Variants in BICD1 observed in about 807,000 individuals in gnomAD.
The protein encoded by BICD1 is BICD cargo adaptor 1.
BICD1 carries 35 observed loss-of-function variants against 92.5 expected under a neutral mutation model. The observed-to-expected ratio is 0.38, with a 90% CI of 0.29 to 0.50. The LOEUF (loss-of-function observed/expected upper bound fraction) is 0.50. BICD1 is among the 20% of genes least tolerant of loss of function. The probability of loss-of-function intolerance (pLI) is 0.93; values close to 1 mark genes in which losing one functional copy is unlikely to be tolerated. For synonymous variants in BICD1, 429 were observed against 465.1 expected, an observed-to-expected ratio of 0.92 and a Z score of 1.00; for missense variants, 950 against 1,189.8, an observed-to-expected ratio of 0.80 and a Z score of 2.97.
Position 32,334,617 on chromosome 12 carries a change from G to A in BICD1, c.2202G>A (p.Leu734=). ...MTKLRNELKA[L]KEDAATFSSL... ...AGCTTAGAAATGAACTGAAGGCTTT[G>A]AAAGAAGATGCTGCAACCTTCTCAT... Residue 734 remains leucine, a synonymous_variant, in exon 6 of 10, where the codon TTG becomes TTA. Transcript: ENST00000652176. 6.2e-7 allele frequency: 1 copy of A among 1,612,076 alleles called. No individual in the cohort carries two copies. The highest frequency in any genetic ancestry group is 1.7e-4 in the Middle Eastern group (1 of 6,050).
intron 1 of BICD1, among the ~76,000 whole-genome samples, chr12:32,200,715 A>G (rs887014108): frequency 1.3e-5 from 2 of 152,192 alleles, no homozygotes; most frequent in African/African-American, 4.8e-5. Flanking sequence ...TAATGATTGT[A>G]CTGAACCTTA....
chr12:32,246,029 C>CA (rs71068311), intron 2 of BICD1, among the ~76,000 whole-genome samples: 5,299 of 44,106 alleles, frequency 0.12, 664 homozygotes, highest in African/African-American at 0.14. Context: ...TACTCTGTCT[C>CA]AAAAAAAAAA....
intron 1 of BICD1, among the ~76,000 whole-genome samples, chr12:32,157,094 T>C (rs1943462242): frequency 6.6e-6 from 1 of 152,240 alleles, no homozygotes; most frequent in Admixed American, 6.5e-5. Flanking sequence ...AAGGTCTGGT[T>C]TTCATAGGCT....
At chr12:32,369,754 A>T (rs532941985) in intron 9 of BICD1, among the ~76,000 whole-genome samples, 4,099 of 139,316 alleles carry the variant, frequency 0.029, 190 homozygotes, top group African/African-American at 0.1. Context: ...TTTTTTTTTT[A>T]AATTAGCCAG....
chr12:32,305,056 C>G (rs891417230), intron 3 of BICD1, among the ~76,000 whole-genome samples: 9 of 151,444 alleles, frequency 5.9e-5, no homozygotes, highest in African/African-American at 2.2e-4. Context: ...CAAACAAAAG[C>G]AATGTAGGTA....
intron 1 of BICD1, among the ~76,000 whole-genome samples, chr12:32,212,451 G>A (rs1261220953): frequency 6.6e-6 from 1 of 152,168 alleles, no homozygotes; most frequent in Non-Finnish European, 1.5e-5. Context: ...TTGAGACAGA[G>A]TCTTGCTTTG....
chr12:32,303,412 G>A (rs1257303540), intron 3 of BICD1, among the ~76,000 whole-genome samples: 2 of 152,126 alleles, frequency 1.3e-5, no homozygotes, highest in African/African-American at 4.8e-5. Flanking sequence ...AGTGAGTGCT[G>A]GTTTACCATC....
intron 2 of BICD1, among the ~76,000 whole-genome samples, chr12:32,289,606 ATC>A (rs1947671597): frequency 6.6e-6 from 1 of 152,086 alleles, no homozygotes; most frequent in Non-Finnish European, 1.5e-5. Context: ...GGATGGTTTG[ATC>A]TCTCGAACTT....
intron 1 of BICD1, among the ~76,000 whole-genome samples, chr12:32,196,236 C>T (rs528652890): frequency 3.3e-5 from 5 of 152,124 alleles, no homozygotes; most frequent in South Asian, 2.1e-4. Flanking sequence ...ACAGTATGGA[C>T]GTTCTTCCAA....
chr12:32,203,771 G>A (rs1160755118), intron 1 of BICD1, among the ~76,000 whole-genome samples: 5 of 151,452 alleles, frequency 3.3e-5, no homozygotes, highest in African/African-American at 9.7e-5. Context: ...GCCAGCTCTC[G>A]GTCTCTTCTT....
intron 3 of BICD1, among the ~76,000 whole-genome samples, chr12:32,301,529 C>A (rs1282217788): frequency 1.3e-5 from 2 of 152,042 alleles, no homozygotes; most frequent in South Asian, 2.1e-4. Context: ...AATCCCAGCA[C>A]TTCGGGAGGC....
chr12:32,210,135 G>T (rs71445885), intron 1 of BICD1, among the ~76,000 whole-genome samples: 4,666 of 145,286 alleles, frequency 0.032, 81 homozygotes, highest in Middle Eastern at 0.054. Context: ...TTTTTTTTTT[G>T]TTTTCCCAGA....
intron 2 of BICD1, among the ~76,000 whole-genome samples, chr12:32,218,482 A>C (rs1366070561): frequency 6.6e-6 from 1 of 152,208 alleles, no homozygotes; most frequent in African/African-American, 2.4e-5. Flanking sequence ...CCACATATTA[A>C]GAACCACTAA....
chr12:32,245,810 G>A (rs534076824), intron 2 of BICD1, among the ~76,000 whole-genome samples: 1 of 151,294 alleles, frequency 6.6e-6, no homozygotes, highest in South Asian at 2.1e-4. Flanking sequence ...TGGGCGGATT[G>A]TCTGAGGTCA....
At chr12:32,223,440 G>T (rs911156061) in intron 2 of BICD1, among the ~76,000 whole-genome samples, 1 of 151,322 alleles carries the variant, frequency 6.6e-6, no homozygotes, top group Non-Finnish European at 1.5e-5. Flanking sequence ...TCGCTTGAAC[G>T]TGAGAGGCAG....
intron 2 of BICD1, among the ~76,000 whole-genome samples, chr12:32,233,185 G>T (rs1300490183): frequency 6.6e-6 from 1 of 152,042 alleles, no homozygotes; most frequent in East Asian, 1.9e-4. Flanking sequence ...ATGTTGGCAT[G>T]GTGGCGGGCA....
At chr12:32,340,322 C>G (rs767007853) in intron 8 of BICD1, 42 of 985,228 alleles carry the variant, frequency 4.3e-5, no homozygotes, top group Non-Finnish European at 5.1e-5. Flanking sequence ...AAAGTAAAAA[C>G]TGCTTGGTGT....
chr12:32,193,933 T>C (rs182888560), intron 1 of BICD1, among the ~76,000 whole-genome samples: 27 of 152,244 alleles, frequency 1.8e-4, no homozygotes, highest in Non-Finnish European at 2.8e-4. Flanking sequence ...CTGATGAACA[T>C]AGATGCAAAA....
chr12:32,297,910 G>A (rs1565651203), intron 3 of BICD1, among the ~76,000 whole-genome samples: 1 of 152,174 alleles, frequency 6.6e-6, no homozygotes, highest in East Asian at 1.9e-4. Context: ...AACTGGCCAG[G>A]CACGGTGGCT....
Sources: allele counts gnomAD v4.1 joint callset (sites outside exome capture counted in the v4.1 genomes callset), GRCh38; gene constraint gnomAD v4.1.1; transcripts MANE v1.5; gene names NCBI Gene and HGNC (gene_info 2026-07-23, HGNC 2026-07-21).